The following CCDC154 variants were observed in gnomAD, a reference collection of about 807,000 sequenced individuals.
The protein encoded by CCDC154 is coiled-coil domain containing 154.
A neutral mutation model predicts 87.5 loss-of-function variants in CCDC154; 91 were observed. The ratio of observed to expected loss-of-function variants is 1.04; its 90% CI spans 0.88 to 1.24. The LOEUF is 1.24. Ranked by LOEUF, CCDC154 falls within the 50% of genes most tolerant of loss-of-function variation. The probability of loss-of-function intolerance (pLI) is 0.00; values close to 1 mark genes in which losing one functional copy is unlikely to be tolerated. For missense variants in CCDC154, 903 were observed against 879.2 expected (o/e 1.03, Z -0.34); for synonymous variants, 418 against 400.4 (o/e 1.04, Z -0.52).
chr16:1,440,436 C>T (rs772233983), intron 6 of CCDC154, among the ~76,000 whole-genome samples: 6 of 133,852 alleles, frequency 4.5e-5, no homozygotes, highest in Non-Finnish European at 9.8e-5. Flanking sequence ...GGCAACAGAG[C>T]GAGACTCCAT....
intron 2 of CCDC154, 36 bp downstream of exon 2, chr16:1,443,760 T>C (rs970239286): frequency 3.1e-6 from 4 of 1,303,394 alleles, no homozygotes; most frequent in Non-Finnish European, 4.0e-6. Context: ...GGCGGCGACG[T>C]GGTCCTCCCC....
intron 11 of CCDC154, chr16:1,437,265 GC>G (rs1304956088): frequency 4.9e-6 from 1 of 204,006 alleles, no homozygotes; most frequent in Non-Finnish European, 9.8e-6. Context: ...CACCGCCACA[GC>G]GGCCGCACCG....
Position 1,439,067 on chromosome 16 carries a change from C to T in CCDC154, c.735G>A (p.Lys245=), listed in dbSNP as rs764451368. Residue 245 remains lysine, a synonymous_variant, in exon 7 of 17, where the codon AAG becomes AAA. Coordinates refer to ENST00000389176, the MANE Select transcript of CCDC154 (RefSeq NM_001143980.3). The part of the protein sequence containing the change: ...VSLRFLKREA[K]LCGFLQKSFL... ...AGCTCTTCTGCAGGAAGCCGCACAG[C>T]TTGGCCTCCCTCTTCAGGAAGCGCA... 7 of 1,550,286 alleles carry T rather than the reference C, an allele frequency of 4.5e-6. No individual in the cohort carries two copies. The South Asian group carries it at 7.1e-5, about 16-fold the overall frequency.
chr16:1,444,199 G>T, intron 1 of CCDC154, 117 bp downstream of exon 1: 2 of 1,145,722 alleles, frequency 1.7e-6, no homozygotes, highest in Non-Finnish European at 2.3e-6. Context: ...AAGACACACA[G>T]CACTGGGCGG....
chr16:1,434,969 C>T (rs1383762026), intron 15 of CCDC154, 117 bp from the exon 16 acceptor site: 1 of 1,407,894 alleles, frequency 7.1e-7, no homozygotes, highest in East Asian at 2.5e-5. Context: ...GGAAACCCTG[C>T]CCATGGCCAG....
Position 1,438,064 on chromosome 16 carries a change from C to T in CCDC154, c.1138G>A (p.Gly380Arg). ...AGELARQEMH[G>R]ELVLLREKSR... ...TACCCCCTCACCAGCACCAGCTCTC[C>T]ATGCATCTCCTGCCGGGCCAGCTCG... The change falls in exon 10 of 17, where the codon GGA becomes AGA. Residue 380 changes from glycine (G) to arginine (R), a missense_variant. Gly to Arg is a moderately radical substitution (Grantham distance 125). Transcript: ENST00000389176. The T allele has an allele frequency of 6.5e-7, 1 of 1,548,292 alleles. No individual in the cohort carries two copies.
intron 6 of CCDC154, among the ~76,000 whole-genome samples, chr16:1,441,533 C>T (rs552067702): frequency 6.6e-6 from 1 of 152,290 alleles, no homozygotes; most frequent in East Asian, 1.9e-4. Flanking sequence ...GGAGGGGGAG[C>T]CACTCCAGCC....
intron 9 of CCDC154, 108 bp downstream of exon 9, chr16:1,438,511 C>T (rs1251602216): frequency 7.5e-6 from 8 of 1,072,386 alleles, no homozygotes; most frequent in African/African-American, 1.6e-5. Flanking sequence ...GCACTCTGCT[C>T]GGGGGAGGCA....
intron 9 of CCDC154, chr16:1,438,412 G>A (rs2038521180): frequency 2.8e-6 from 2 of 724,132 alleles, no homozygotes; most frequent in East Asian, 2.8e-5. Context: ...ACAGCTGAGT[G>A]CCCCAGGGAG....
In CCDC154 at chr16:1,434,851, C is replaced by A. The variant is rs896893376; in HGVS notation, c.1694G>T (p.Arg565Leu). The A allele has an allele frequency of 1.0e-5, 15 of 1,497,794 alleles. No individual in the cohort carries two copies. The African/African-American group carries it at 2.1e-4, about 21-fold the overall frequency. The allele number at this position is 1,497,794 out of a possible 1,614,324, so 92.8% of individuals were successfully genotyped here. A position where few individuals can be genotyped will look rare whatever the true frequency, so the allele number is the denominator to read the frequency against. Residue 565 changes from arginine to leucine, a missense_variant and splice_region_variant, in exon 16 of 17, where the codon CGC becomes CTC. Transcript: ENST00000389176. ...NLRFNTEARL[R>L]TQEMATLWES... Reference sequence around the variant, plus strand: ...CCACAGGGTGGCCATCTCCTGCGTGCGCTGTGGGACGGGGATGCTGGTGTC... The same window carrying A: ...CCACAGGGTGGCCATCTCCTGCGTGAGCTGTGGGACGGGGATGCTGGTGTC...
Position 1,434,733 on chromosome 16 carries a change from G to T in CCDC154, c.1812C>A (p.Phe604Leu). 6.5e-7 allele frequency: 1 copy of T among 1,546,420 alleles called. No individual in the cohort carries two copies. The highest frequency in any genetic ancestry group is 8.7e-7 in the Non-Finnish European group (1 of 1,146,812). The change falls in exon 16 of 17, where the codon TTC becomes TTA. Residue 604 changes from phenylalanine (F) to leucine (L), a missense_variant. Coordinates refer to ENST00000389176, the MANE Select transcript of CCDC154 (RefSeq NM_001143980.3). ...ALPSLVRPRV[F>L]IKDMAPGKVV... is the part of the protein sequence containing the mutation. ...CCTTGCCAGGCGCCATGTCCTTGAT[G>T]AAGACCCGCGGCCTCACCAGGGATG... is the stretch of plus-strand genomic sequence containing the variant.
chr16:1,440,559 C>T (rs2038542671), intron 6 of CCDC154, among the ~76,000 whole-genome samples: 1 of 151,098 alleles, frequency 6.6e-6, no homozygotes, highest in Admixed American at 6.6e-5. Context: ...GAAAAGAAAA[C>T]TTTTTGGGAG....
chr16:1,443,670 C>A lies in CCDC154; in HGVS notation c.250G>T (p.Ala84Ser). 7.7e-7 allele frequency: 1 copy of A among 1,296,394 alleles called. No homozygotes were observed. The allele number at this position is 1,296,394 out of a possible 1,614,324, so 80.3% of individuals were successfully genotyped here. The change falls in exon 3 of 17, where the codon GCC (alanine) becomes TCC (serine). Residue 84 changes from alanine to serine, a missense_variant. By Grantham distance (99) the Ala-to-Ser change is moderately conservative. Transcript: ENST00000389176. ...QWVVELQAEV[A>S]CLREHKQRCE... is the part of the protein sequence containing the mutation. ...CGCTGCTTGTGCTCCCGCAGGCAGG[C>A]CACCTCGGCCTGCAGCTCCACCACC...
In CCDC154 at chr16:1,438,944, C is replaced by A. The variant is rs1442276648; in HGVS notation, c.778-1G>T. 4.5e-6 allele frequency: 7 copies of A among 1,549,094 alleles called. No homozygotes were observed. The highest frequency in any genetic ancestry group is 6.1e-6 in the Non-Finnish European group (7 of 1,146,174). ...GTGAGCTCTCCGAGGCCTTCATTCT[C>A]TGTGGGGAGACCCCACTGTCAGCTG... is the stretch of plus-strand genomic sequence containing the variant. On this transcript the variant is annotated splice_acceptor_variant, in intron 7 of 16. Transcript: ENST00000389176. LOFTEE classifies it high-confidence loss of function.
chr16:1,442,277 C>A, intron 6 of CCDC154, 129 bp downstream of exon 6: 1 of 1,124,246 alleles, frequency 8.9e-7, no homozygotes, highest in South Asian at 1.7e-5. Flanking sequence ...TTGTCTACAA[C>A]TATAGCTGAT....
In CCDC154 at chr16:1,443,439, C is replaced by T. The variant is rs1356049208; in HGVS notation, c.414+67G>A. 5 of 1,430,952 alleles carry T rather than the reference C, an allele frequency of 3.5e-6. No homozygotes were observed. The South Asian group carries it at 7.4e-5, about 21-fold the overall frequency. 88.6% of individuals were successfully genotyped at this position (1,430,952 alleles called of 1,614,324 possible). ...AGCAGGGGTGAGCTGGGCTCCAGGCCCAGAAGCAGCTGCCCCCAACACCCA... is the reference window on the plus strand; with the variant it reads ...AGCAGGGGTGAGCTGGGCTCCAGGCTCAGAAGCAGCTGCCCCCAACACCCA... On this transcript the variant is annotated intron_variant, in intron 3 of 16. Transcript: ENST00000389176.
At chr16:1,440,473 G>T (rs561984971) in intron 6 of CCDC154, among the ~76,000 whole-genome samples, 1 of 150,030 alleles carries the variant, frequency 6.7e-6, no homozygotes, top group South Asian at 2.1e-4. Flanking sequence ...GAAGGGAAGA[G>T]AAGAGAAGAG....
rs1460517236 is a variant in CCDC154, at chr16:1,443,566, C to T, written c.354G>A (p.Leu118=). The change falls in exon 3 of 17, where the codon CTG becomes CTA. Residue 118 remains leucine, a synonymous_variant. Coordinates refer to ENST00000389176, the MANE Select transcript of CCDC154 (RefSeq NM_001143980.3). ...GCCGCGCCTCCTGCTGCAACTGCCT[C>T]AGCTCTGAGCCCTGCAGCTGCACGC... ...RARVQLQGSE[L]RQLQQEARPA... The T allele has an allele frequency of 1.7e-5, 25 of 1,481,698 alleles. No individual in the cohort carries two copies. Among genetic ancestry groups the T allele is most frequent in the Non-Finnish European group, 2.0e-5 (22 of 1,119,280 alleles). The allele number at this position is 1,481,698 out of a possible 1,614,324, so 91.8% of individuals were successfully genotyped here.
At chr16:1,435,931 CCT>C (rs1567256784) in intron 14 of CCDC154, 36 bp downstream of exon 14, 4 of 1,507,874 alleles carry the variant, frequency 2.7e-6, no homozygotes, top group African/African-American at 1.4e-5. Context: ...GATGGCTCCC[CCT>C]CTCTCCCAGC....
Sources: allele counts gnomAD v4.1 joint callset (sites outside exome capture counted in the v4.1 genomes callset), GRCh38; gene constraint gnomAD v4.1.1; transcripts MANE v1.5; gene names NCBI Gene and HGNC (gene_info 2026-07-23, HGNC 2026-07-21).